The following CNOT6 variants were observed in gnomAD, a reference collection of about 807,000 sequenced individuals.
The protein encoded by CNOT6 is carbon catabolite repression 4 protein.
In CNOT6, 12 loss-of-function variants were observed where a neutral mutation model predicts 61.2. The observed-to-expected ratio is 0.20, with a 90% confidence interval of 0.13 to 0.32. CNOT6 has a LOEUF of 0.32. Ranked by LOEUF, CNOT6 falls within the 10% of genes least tolerant of loss-of-function variation. CNOT6 has a pLI of 1.00. For missense variants in CNOT6, 405 were observed against 663.9 expected, an observed-to-expected ratio of 0.61 and a Z score of 4.28; for synonymous variants, 225 against 240.6, an observed-to-expected ratio of 0.94 and a Z score of 0.60.
At chr5:180,538,685 G>GATATATATATATATATATAT (rs1758843740) in intron 2 of CNOT6, among the ~76,000 whole-genome samples, 1 of 84,246 alleles carries the variant, frequency 1.2e-5, no homozygotes, top group Admixed American at 1.3e-4. Flanking sequence ...CTGAGAAAAA[G>GATATATATATATATATATAT]GTATATATAT....
chr5:180,571,464 C>A (rs1261976546), intron 11 of CNOT6, 32 bp downstream of exon 11: 20 of 1,475,728 alleles, frequency 1.4e-5, no homozygotes, highest in Admixed American at 1.7e-5. Flanking sequence ...CTTTTCAAAC[C>A]TGTCTTTTAC....
At chr5:180,503,074 A>AG (rs1169634743) in intron 1 of CNOT6, among the ~76,000 whole-genome samples, 1 of 152,134 alleles carries the variant, frequency 6.6e-6, no homozygotes, top group Non-Finnish European at 1.5e-5. Context: ...GAAGAAAAAA[A>AG]ATGATATTGA....
At chr5:180,546,017 A>C (rs1023902273) in intron 2 of CNOT6, among the ~76,000 whole-genome samples, 4 of 149,250 alleles carry the variant, frequency 2.7e-5, no homozygotes, top group African/African-American at 9.8e-5. Flanking sequence ...ATTATGTTTT[A>C]TTTCTTTCTC....
chr5:180,536,984 C>T (rs1431759572), intron 2 of CNOT6, among the ~76,000 whole-genome samples: 1 of 152,162 alleles, frequency 6.6e-6, no homozygotes, highest in Non-Finnish European at 1.5e-5. Context: ...CTTGATAGCT[C>T]ATTCTTTTTT....
intron 11 of CNOT6, among the ~76,000 whole-genome samples, chr5:180,573,228 A>G (rs1760838886): frequency 6.6e-6 from 1 of 152,194 alleles, no homozygotes; most frequent in Admixed American, 6.5e-5. Context: ...GACCAGAACC[A>G]TCAGATGGGA....
In CNOT6 at chr5:180,571,824, G is replaced by A. The variant is rs555443258; in HGVS notation, c.1461+392G>A. 1.1e-4 allele frequency among the ~76,000 whole-genome samples: 16 copies of A among 152,100 alleles called. No homozygotes were observed. The South Asian group carries it at 2.5e-3, about 24-fold the overall frequency. ...ATGATTCTTCCACCTCAGCCTCCCA[G>A]TGTGCTGGGATTACAGGCGTGAACC... On this transcript the variant is annotated intron_variant, in intron 11 of 11. Transcript: ENST00000261951.
At chr5:180,555,440 C>T (rs1408950000) in intron 4 of CNOT6, among the ~76,000 whole-genome samples, 2 of 152,172 alleles carry the variant, frequency 1.3e-5, no homozygotes, top group East Asian at 3.8e-4. Flanking sequence ...TACTTTATCA[C>T]CTCTAGACAT....
chr5:180,547,386 G>A lies in CNOT6; in HGVS notation c.113-2545G>A, dbSNP rs553842627. On this transcript the variant is annotated intron_variant, in intron 2 of 11. Transcript: ENST00000261951. ...AATATGAAACTTAGCTGGGCGTGGT[G>A]GCGGGCGCCTGTAATCCCAGCTACC... Among the ~76,000 whole-genome samples, 4 of 152,192 alleles carry A rather than the reference G, an allele frequency of 2.6e-5. No homozygotes were observed. The East Asian group carries it at 5.8e-4, about 22-fold the overall frequency.
intron 11 of CNOT6, among the ~76,000 whole-genome samples, chr5:180,573,602 T>TGTCC (rs1561669575): frequency 4.6e-5 from 1 of 21,964 alleles, no homozygotes; most frequent in African/African-American, 1.4e-4. Flanking sequence ...TGTGTGTGTG[T>TGTCC]CCGTCCGTCC....
At chr5:180,551,516 G>T (rs2127745562) in intron 3 of CNOT6, among the ~76,000 whole-genome samples, 1 of 152,240 alleles carries the variant, frequency 6.6e-6, no homozygotes, top group Non-Finnish European at 1.5e-5. Context: ...GGGATTTCAG[G>T]CATGAGCCAC....
rs374893245 is a variant in CNOT6 at position 180,569,041 on chromosome 5, C to T, written c.1028-69C>T. The T allele has an allele frequency of 1.2e-5, 14 of 1,123,798 alleles. No individual in the cohort carries two copies. In the Middle Eastern group the frequency reaches 1.0e-3, roughly 84 times the overall value. 69.6% of individuals were successfully genotyped at this position (1,123,798 alleles called of 1,614,324 possible). On this transcript the variant is annotated intron_variant, in intron 9 of 11. Coordinates refer to ENST00000261951, the MANE Select transcript of CNOT6 (RefSeq NM_001370472.1). ...CTCTGAGAGATTATTTGCTTTCAGA[C>T]GCTGTAAGAATATATGGGCTGATGG...
chr5:180,566,803 C>T (rs1448894211), intron 7 of CNOT6, among the ~76,000 whole-genome samples: 5 of 151,832 alleles, frequency 3.3e-5, no homozygotes, highest in Middle Eastern at 3.4e-3. Flanking sequence ...CAGGCATGCA[C>T]CACCATGCCT....
At chr5:180,495,151 C>CTG (rs988603274) in intron 1 of CNOT6, among the ~76,000 whole-genome samples, 2 of 152,218 alleles carry the variant, frequency 1.3e-5, no homozygotes, top group Non-Finnish European at 2.9e-5. Context: ...GGGTGGCGCG[C>CTG]TGTGTGGAGT....
intron 1 of CNOT6, among the ~76,000 whole-genome samples, chr5:180,500,807 C>T (rs944385110): frequency 2.0e-5 from 3 of 152,068 alleles, no homozygotes; most frequent in Non-Finnish European, 4.4e-5. Context: ...ATAGAGTACT[C>T]ATCGGGTTAT....
intron 3 of CNOT6, among the ~76,000 whole-genome samples, chr5:180,552,468 CG>C (rs1429548425): frequency 6.6e-6 from 1 of 151,320 alleles, no homozygotes; most frequent in Non-Finnish European, 1.5e-5. Context: ...GGTGAAACCC[CG>C]TCTCTACTAA....
intron 1 of CNOT6, among the ~76,000 whole-genome samples, chr5:180,520,495 A>T (rs1029408457): frequency 2.0e-5 from 3 of 152,040 alleles, no homozygotes; most frequent in Non-Finnish European, 2.9e-5. Context: ...TACAAAAATT[A>T]GCTGGGCATG....
At chr5:180,505,704 C>T (rs1045976903) in intron 1 of CNOT6, among the ~76,000 whole-genome samples, 6 of 151,994 alleles carry the variant, frequency 3.9e-5, no homozygotes, top group Non-Finnish European at 7.4e-5. Context: ...CCCACCACCA[C>T]GCCCGGCTAA....
chr5:180,542,178 C>G (rs1450348524), intron 2 of CNOT6, among the ~76,000 whole-genome samples: 1 of 151,930 alleles, frequency 6.6e-6, no homozygotes, highest in East Asian at 1.9e-4. Flanking sequence ...GTGTAGTTTT[C>G]TTTTGTTCTT....
intron 1 of CNOT6, among the ~76,000 whole-genome samples, chr5:180,514,934 C>G (rs1238740882): frequency 6.6e-6 from 1 of 152,068 alleles, no homozygotes; most frequent in Non-Finnish European, 1.5e-5. Flanking sequence ...TTGGGAGATA[C>G]AAACTGTTTA....
Sources: gnomAD v4.1 joint callset for allele counts (sites outside exome capture counted in the v4.1 genomes callset) on GRCh38, gnomAD v4.1.1 for gene constraint, MANE v1.5 for transcripts, NCBI Gene and HGNC (gene_info 2026-07-23, HGNC 2026-07-21) for gene names.